Variants in VPS51 observed in about 807,000 individuals in gnomAD.
VPS51 encodes VPS51 subunit of GARP complex, also known as vacuolar protein sorting-associated protein 51 homolog.
In VPS51, 55 loss-of-function variants were observed where a neutral mutation model predicts 65.1. That is an observed-to-expected ratio of 0.84 (90% CI 0.68 to 1.06). The LOEUF (loss-of-function observed/expected upper bound fraction) is 1.06. VPS51 is among the 50% of genes least tolerant of loss of function. The probability of loss-of-function intolerance (pLI) is 0.00; values close to 1 mark genes in which losing one functional copy is unlikely to be tolerated. For synonymous variants in VPS51, 473 were observed against 489.5 expected (o/e 0.97, Z 0.44); for missense variants, 943 against 1,101.6 (o/e 0.86, Z 2.04).
Position 65,108,754 on chromosome 11 carries a change from C to G in VPS51, c.1283C>G (p.Ala428Gly). The G allele has an allele frequency of 6.2e-7, 1 of 1,611,946 alleles. No individual in the cohort carries two copies. The highest frequency in any genetic ancestry group is 8.5e-7 in the Non-Finnish European group (1 of 1,179,832). The change falls in exon 5 of 10, where the codon GCG becomes GGG. Residue 428 changes from alanine to glycine, a missense_variant. Transcript: ENST00000279281. The stretch of plus-strand genomic sequence containing the variant: ...GGCTGCCTGACAGACGTCCGCCAGG[C>G]GCTGGCAGCACCTCGCGTGGCTGGG... ...FLGCLTDVRQ[A>G]LAAPRVAGKE...
rs1171011717 is a variant in VPS51, at chr11:65,107,841, G to T, written c.544G>T (p.Glu182Ter). ...ALLRKLQFLF[E>*]LPSRLTKCVE... The stretch of plus-strand genomic sequence containing the variant: ...GCTGCGGAAGCTGCAGTTCCTCTTT[G>T]AGCTGCCCTCGCGCCTCACCAAGTG... The change falls in exon 4 of 10, where the codon GAG becomes TAG. Residue 182 changes from glutamate to a stop codon, truncating the protein, a stop_gained. Coordinates refer to ENST00000279281, the MANE Select transcript of VPS51 (RefSeq NM_013265.4). LOFTEE classifies it high-confidence loss of function. The surrounding 1 kb of genome is among the most constrained non-coding windows in gnomAD (Gnocchi z 4.0). The T allele has an allele frequency of 1.9e-6, 3 of 1,555,464 alleles. No individual in the cohort carries two copies. Among genetic ancestry groups the T allele is most frequent in the South Asian group, 1.2e-5 (1 of 85,316 alleles).
chr11:65,108,487 C>T lies in VPS51; in HGVS notation c.1016C>T (p.Ala339Val), dbSNP rs1947861128. ...CCAGCAGGTGCCGAGAAGCTGGCGG[C>T]CTTCGCCCGGCAGCTGGGCAGCCGC... ...QGPAGAEKLAAFARQLGSRYF... is the reference protein window; with the variant it reads ...QGPAGAEKLAVFARQLGSRYF... Residue 339 changes from alanine (A) to valine (V), a missense_variant, in exon 5 of 10, where the codon GCC becomes GTC. Ala to Val is a moderately conservative substitution (Grantham distance 64). Coordinates refer to ENST00000279281, the MANE Select transcript of VPS51 (RefSeq NM_013265.4). The T allele has an allele frequency of 1.2e-6, 2 of 1,605,410 alleles. No individual in the cohort carries two copies. Among genetic ancestry groups the T allele is most frequent in the Non-Finnish European group, 8.5e-7 (1 of 1,178,470 alleles).
chr11:65,098,233 G>A (rs1013329257), intron 2 of VPS51, among the ~76,000 whole-genome samples: 2 of 152,100 alleles, frequency 1.3e-5, no homozygotes, highest in Non-Finnish European at 2.9e-5. Context: ...ACCTCAGTAA[G>A]GTGTAGTTTC....
At chr11:65,099,741 G>C (rs1370559973) in intron 2 of VPS51, among the ~76,000 whole-genome samples, 1 of 152,170 alleles carries the variant, frequency 6.6e-6, no homozygotes, top group African/African-American at 2.4e-5. Context: ...AGATTGCAGT[G>C]AGCTATAATC....
At chr11:65,110,819 C>T (rs1393421781) in intron 9 of VPS51, 38 bp downstream of exon 9, 3 of 1,612,948 alleles carry the variant, frequency 1.9e-6, no homozygotes, top group African/African-American at 1.3e-5. Context: ...CCAGGGATCC[C>T]GGGGAGGGTT....
intron 1 of VPS51, 74 bp from the exon 2 acceptor site, chr11:65,096,924 G>T: frequency 6.3e-7 from 1 of 1,587,870 alleles, no homozygotes; most frequent in Non-Finnish European, 8.6e-7. Context: ...TGCCCTGAAA[G>T]CCTATCAGCT....
At position 65,108,329 on chromosome 11, in the gene VPS51, C is replaced by G; in HGVS notation, c.858C>G (p.Asn286Lys). 1 of 1,610,658 alleles carries G rather than the reference C, an allele frequency of 6.2e-7. No homozygotes were observed. The highest frequency in any genetic ancestry group is 8.5e-7 in the Non-Finnish European group (1 of 1,179,156). Residue 286 changes from asparagine (N) to lysine (K), a missense_variant, in exon 5 of 10, where the codon AAC (asparagine) becomes AAG (lysine). Asn to Lys is a moderately conservative substitution (Grantham distance 94, BLOSUM62 0). Around this residue, in one of 2 missense-constraint regions of VPS51, gnomAD observed 855 missense variants for 953.7 expected, o/e 0.90. Coordinates refer to ENST00000279281, the MANE Select transcript of VPS51 (RefSeq NM_013265.4). The part of the protein sequence containing the change: ...ARGRLEKELR[N>K]LEAELGPSPP... ...GCCGGCTGGAGAAGGAGCTGAGAAA[C>G]CTGGAGGCCGAGCTGGGGCCCTCAC...
chr11:65,096,504 GTGCGGGGA>G, intron 1 of VPS51, 26 bp downstream of exon 1: 17 of 1,083,790 alleles, frequency 1.6e-5, no homozygotes, highest in Admixed American at 3.2e-5. Flanking sequence ...GAGTGGGGGG[GTGCGGGGA>G]GGGGGGAAGG....
At position 65,109,935 on chromosome 11, in the gene VPS51, G is replaced by T. The variant is rs1387737971; in HGVS notation, c.1878+12G>T. The T allele has an allele frequency of 1.9e-6, 3 of 1,581,630 alleles. No individual in the cohort carries two copies. The highest frequency in any genetic ancestry group is 2.6e-6 in the Non-Finnish European group (3 of 1,168,230). ...CCATCGACGTGCAGGTGCTGCCCAGGCTGGCCGGGGTAGCCCTGACGCAGG... is the reference window on the plus strand; with the variant it reads ...CCATCGACGTGCAGGTGCTGCCCAGTCTGGCCGGGGTAGCCCTGACGCAGG... On this transcript the variant is annotated intron_variant, in intron 7 of 9. Coordinates refer to ENST00000279281, the MANE Select transcript of VPS51 (RefSeq NM_013265.4).
At chr11:65,101,201 G>A (rs1226546861) in intron 2 of VPS51, among the ~76,000 whole-genome samples, 2 of 152,144 alleles carry the variant, frequency 1.3e-5, no homozygotes, top group African/African-American at 2.4e-5. Flanking sequence ...GAGGTTGGTT[G>A]TACAACCTTG....
Position 65,108,810 on chromosome 11 carries a change from G to A in VPS51, c.1339G>A (p.Ala447Thr). 1.2e-6 allele frequency: 2 copies of A among 1,612,894 alleles called. No individual in the cohort carries two copies. Among genetic ancestry groups the A allele is most frequent in the Non-Finnish European group, 1.7e-6 (2 of 1,179,984 alleles). The stretch of plus-strand genomic sequence containing the variant: ...GGGCCCTGGCCTGGCCGAGTTGCTG[G>A]CCAATGTGGCCAGCTCCATCCTGAG... The part of the protein sequence containing the change: ...KEGPGLAELL[A>T]NVASSILSHI... Residue 447 changes from alanine to threonine, a missense_variant, in exon 5 of 10, where the codon GCC becomes ACC. Ala to Thr is a moderately conservative substitution (Grantham distance 58). Coordinates refer to ENST00000279281, the MANE Select transcript of VPS51 (RefSeq NM_013265.4).
intron 2 of VPS51, among the ~76,000 whole-genome samples, chr11:65,106,479 C>A (rs575491678): frequency 6.6e-6 from 1 of 152,138 alleles, no homozygotes; most frequent in Non-Finnish European, 1.5e-5. Flanking sequence ...TCGTCGGGTG[C>A]GGTGGCTCAT....
chr11:65,110,848 C>A, intron 9 of VPS51, 67 bp downstream of exon 9: 2 of 1,592,474 alleles, frequency 1.3e-6, no homozygotes, highest in Non-Finnish European at 1.7e-6. Flanking sequence ...CAGCCCCACA[C>A]CTGCCCAAGG....
At chr11:65,109,201 TAGAGCCCCAGCAG>T in intron 5 of VPS51, 66 bp from the exon 6 acceptor site, 1 of 1,452,302 alleles carries the variant, frequency 6.9e-7, no homozygotes, top group African/African-American at 1.4e-5. Flanking sequence ...CTGGGGCACT[TAGAGCCCCAGCAG>T]AGGGTCATTA....
intron 9 of VPS51, 30 bp downstream of exon 9, chr11:65,110,811 A>G (rs776220724): frequency 2.1e-5 from 34 of 1,613,628 alleles, no homozygotes; most frequent in Non-Finnish European, 2.6e-5. Context: ...TCAGACTTCC[A>G]GGGATCCCGG....
In VPS51 at chr11:65,107,821, G is replaced by A. The variant is rs141196474; in HGVS notation, c.524G>A (p.Arg175Gln). Residue 175 changes from arginine (R) to glutamine (Q), a missense_variant, in exon 4 of 10, where the codon CGG (arginine) becomes CAG (glutamine). Around this residue, in one of 2 missense-constraint regions of VPS51, gnomAD observed 855 missense variants for 953.7 expected, o/e 0.90. Transcript: ENST00000279281. The surrounding 1 kb of genome is among the most constrained non-coding windows in gnomAD (Gnocchi z 4.0). ...TKLAGVHALL[R>Q]KLQFLFELPS... ...CCCCCAGGGGTCCACGCGCTGCTGC[G>A]GAAGCTGCAGTTCCTCTTTGAGCTG... The A allele has an allele frequency of 1.3e-6, 2 of 1,562,050 alleles. No individual in the cohort carries two copies. Among genetic ancestry groups the A allele is most frequent in the African/African-American group, 2.7e-5 (2 of 73,502 alleles).
chr11:65,099,262 AG>A (rs912439559), intron 2 of VPS51, among the ~76,000 whole-genome samples: 3 of 152,060 alleles, frequency 2.0e-5, no homozygotes, highest in African/African-American at 7.2e-5. Flanking sequence ...CTCAGGAAGG[AG>A]GGGGGTGGAA....
At chr11:65,096,895 G>A in intron 1 of VPS51, 103 bp from the exon 2 acceptor site, 1 of 1,507,030 alleles carries the variant, frequency 6.6e-7, no homozygotes, top group Non-Finnish European at 8.9e-7. Flanking sequence ...TGCGGGGTGG[G>A]TGGGGATCAG....
In VPS51 at chr11:65,108,684, G is replaced by T; in HGVS notation, c.1213G>T (p.Glu405Ter). The T allele has an allele frequency of 6.3e-7, 1 of 1,588,722 alleles. No homozygotes were observed. The highest frequency in any genetic ancestry group is 1.8e-5 in the Admixed American group (1 of 56,714). Reference sequence around the variant, plus strand: ...GGAGATCGTGGAACGAGTGGCCCGCGAGCGCCTGGGCCACCACCTGCAGGG... The same window carrying T: ...GGAGATCGTGGAACGAGTGGCCCGCTAGCGCCTGGGCCACCACCTGCAGGG... ...ATEIVERVAR[E>*]RLGHHLQGLR... Residue 405 changes from glutamate to a stop codon, truncating the protein, a stop_gained, in exon 5 of 10, where the codon GAG becomes TAG. Coordinates refer to ENST00000279281, the MANE Select transcript of VPS51 (RefSeq NM_013265.4). LOFTEE classifies it high-confidence loss of function.
Sources: gnomAD v4.1 joint callset for allele counts (sites outside exome capture counted in the v4.1 genomes callset) on GRCh38, gnomAD v4.1.1 for gene constraint, gnomAD v4.1.1 regional missense constraint, Gnocchi (gnomAD v3.1) non-coding constraint, MANE v1.5 for transcripts, NCBI Gene and HGNC (gene_info 2026-07-23, HGNC 2026-07-21) for gene names.